The following COL19A1 variants were observed in gnomAD, a reference collection of about 807,000 sequenced individuals.
COL19A1 encodes collagen type XIX alpha 1 chain.
A neutral mutation model predicts 190.2 loss-of-function variants in COL19A1; 159 were observed. The observed-to-expected ratio is 0.84, with a 90% CI of 0.73 to 0.95. The LOEUF is 0.95. Among genes scored for constraint, COL19A1 ranks in the 40% least tolerant of loss-of-function variants. The probability of loss-of-function intolerance (pLI) is 0.00; values close to 1 mark genes in which losing one functional copy is unlikely to be tolerated. For synonymous variants in COL19A1, 509 were observed against 458.9 expected, an observed-to-expected ratio of 1.11 and a Z score of -1.39; for missense variants, 1,418 against 1,431.9, an observed-to-expected ratio of 0.99 and a Z score of 0.16.
intron 4 of COL19A1, among the ~76,000 whole-genome samples, chr6:69,921,772 ATG>A (rs546476867): frequency 2.7e-4 from 39 of 146,580 alleles, no homozygotes; most frequent in Middle Eastern, 3.8e-3. Context: ...AGATTCGTAT[ATG>A]TATATTCGTA....
intron 41 of COL19A1, 79 bp downstream of exon 41, chr6:70,172,096 G>A (rs1765535214): frequency 1.5e-6 from 2 of 1,343,864 alleles, no homozygotes; most frequent in Non-Finnish European, 2.1e-6. Context: ...GCCAAAAACT[G>A]TTTTAGGTTA....
At chr6:70,031,417 A>T (rs767504534) in intron 12 of COL19A1, among the ~76,000 whole-genome samples, 1 of 151,954 alleles carries the variant, frequency 6.6e-6, no homozygotes, top group Non-Finnish European at 1.5e-5. Flanking sequence ...ACCTTACTGT[A>T]TGCTTGTATC....
At position 70,135,502 on chromosome 6, in the gene COL19A1, C is replaced by T. The variant is rs568073179; in HGVS notation, c.1384-2183C>T. Among the ~76,000 whole-genome samples the T allele has an allele frequency of 9.2e-5, 14 of 152,210 alleles. No individual in the cohort carries two copies. In the South Asian group the frequency reaches 2.1e-3, roughly 23 times the overall value. ...TGCTTTGGGGATTCCAAGGATTCTACGAGTTGTATGCCAGGAAACTGGGAG... is the reference window on the plus strand; with the variant it reads ...TGCTTTGGGGATTCCAAGGATTCTATGAGTTGTATGCCAGGAAACTGGGAG... On this transcript the variant is annotated intron_variant, in intron 18 of 50. Transcript: ENST00000620364.
At chr6:69,977,955 T>A (rs553194041) in intron 11 of COL19A1, among the ~76,000 whole-genome samples, 1 of 152,320 alleles carries the variant, frequency 6.6e-6, no homozygotes, top group African/African-American at 2.4e-5. Context: ...AAAAAAAATT[T>A]TACTGATCTA....
chr6:69,992,984 A>G (rs1280165253), intron 11 of COL19A1, among the ~76,000 whole-genome samples: 1 of 152,046 alleles, frequency 6.6e-6, no homozygotes, highest in Non-Finnish European at 1.5e-5. Flanking sequence ...AGGACTTCCA[A>G]TACTGCGTTG....
At chr6:70,150,795 T>A (rs914505195) in intron 30 of COL19A1, among the ~76,000 whole-genome samples, 2 of 152,154 alleles carry the variant, frequency 1.3e-5, no homozygotes, top group African/African-American at 4.8e-5. Flanking sequence ...GTTGAGTGAA[T>A]CACTTGTGCA....
chr6:70,146,796 G>A lies in COL19A1; in HGVS notation c.1816-16G>A. 1 of 1,591,446 alleles carries A rather than the reference G, an allele frequency of 6.3e-7. No individual in the cohort carries two copies. Among genetic ancestry groups the A allele is most frequent in the Non-Finnish European group, 8.5e-7 (1 of 1,171,474 alleles). On this transcript the variant is annotated splice_polypyrimidine_tract_variant and intron_variant, in intron 26 of 50. Coordinates refer to ENST00000620364, the MANE Select transcript of COL19A1 (RefSeq NM_001858.6). The stretch of plus-strand genomic sequence containing the variant: ...TCTCTTGAGCCTTGCAGTAACAGAA[G>A]CCTTTCATTTCACAGGGTGAAAGAG...
chr6:70,085,098 A>G (rs575390168), intron 15 of COL19A1, among the ~76,000 whole-genome samples: 11 of 152,348 alleles, frequency 7.2e-5, no homozygotes, highest in African/African-American at 2.4e-4. Flanking sequence ...GCTAATTATT[A>G]TATCATAGTT....
rs115807731 is a variant in COL19A1, at chr6:70,049,876, C to T, written c.1170+13937C>T. ...AATCTACATTAAAATCAGTTTAATT[C>T]AATTCTATTCTAAGCATTTAAAAAT... On this transcript the variant is annotated intron_variant, in intron 14 of 50. Transcript: ENST00000620364. Among the ~76,000 whole-genome samples the T allele has an allele frequency of 9.0e-3, 1,372 of 152,118 alleles. 14 individuals carry two copies. Among genetic ancestry groups the T allele is most frequent in the African/African-American group, 0.032 (1,309 of 41,540 alleles).
chr6:70,037,391 G>C (rs1263114884), intron 14 of COL19A1, among the ~76,000 whole-genome samples: 1 of 152,022 alleles, frequency 6.6e-6, no homozygotes, highest in African/African-American at 2.4e-5. Context: ...CCTGACCTCA[G>C]GTGATCCGCC....
rs1562257019 is a variant in COL19A1, at chr6:70,188,646, A to G, written c.3027+401A>G. The stretch of plus-strand genomic sequence containing the variant: ...CAGAAACCACATATGCCTGTTTCAT[A>G]TTGCTATGAAACATGTCCATTTCAT... On this transcript the variant is annotated intron_variant, in intron 47 of 50. Coordinates refer to ENST00000620364, the MANE Select transcript of COL19A1 (RefSeq NM_001858.6). 2.0e-5 allele frequency among the ~76,000 whole-genome samples: 3 copies of G among 152,186 alleles called. No homozygotes were observed. In the South Asian group the frequency reaches 6.2e-4, roughly 32 times the overall value.
At chr6:69,888,643 A>T (rs1769111509) in intron 2 of COL19A1, among the ~76,000 whole-genome samples, 2 of 152,156 alleles carry the variant, frequency 1.3e-5, no homozygotes, top group Non-Finnish European at 2.9e-5. Context: ...TTACAAAAAA[A>T]TTAGCCGGGC....
intron 4 of COL19A1, among the ~76,000 whole-genome samples, chr6:69,917,399 A>G (rs1292844779): frequency 1.3e-5 from 2 of 152,208 alleles, no homozygotes; most frequent in African/African-American, 4.8e-5. Context: ...AGCACTTACT[A>G]GGACTGGTTA....
chr6:69,921,388 T>TATATCATATATATC (rs1771814837), intron 4 of COL19A1, among the ~76,000 whole-genome samples: 1 of 112,690 alleles, frequency 8.9e-6, no homozygotes, highest in South Asian at 2.7e-4. Flanking sequence ...ATATATATCA[T>TATATCATATATATC]ATATATCATA....
At chr6:70,149,806 A>G in intron 28 of COL19A1, 45 bp from the exon 29 acceptor site, 1 of 1,613,582 alleles carries the variant, frequency 6.2e-7, no homozygotes, top group Non-Finnish European at 8.5e-7. Flanking sequence ...AATGACTGAA[A>G]GACCATCCTC....
At chr6:69,897,487 A>ACACACACACACCCC (rs57788189) in intron 2 of COL19A1, among the ~76,000 whole-genome samples, 1 of 142,528 alleles carries the variant, frequency 7.0e-6, no homozygotes, top group African/African-American at 2.9e-5. Flanking sequence ...ACACACACAC[A>ACACACACACACCCC]CCCCATACTG....
At chr6:70,107,307 G>C (rs1250329529) in intron 16 of COL19A1, among the ~76,000 whole-genome samples, 1 of 152,174 alleles carries the variant, frequency 6.6e-6, no homozygotes, top group Non-Finnish European at 1.5e-5. Flanking sequence ...CAGACAGCGA[G>C]ATGGTATAGG....
At chr6:69,907,719 G>C (rs1770654993) in intron 4 of COL19A1, among the ~76,000 whole-genome samples, 1 of 152,168 alleles carries the variant, frequency 6.6e-6, no homozygotes, top group African/African-American at 2.4e-5. Context: ...AATTTTCACA[G>C]AAGTTCCTAA....
intron 4 of COL19A1, among the ~76,000 whole-genome samples, chr6:69,922,023 A>G (rs1176975569): frequency 1.3e-5 from 2 of 152,100 alleles, no homozygotes; most frequent in African/African-American, 2.4e-5. Flanking sequence ...TGGTAACCCA[A>G]TATGGCCTCT....
Sources: gnomAD v4.1 joint callset for allele counts (sites outside exome capture counted in the v4.1 genomes callset) on GRCh38, gnomAD v4.1.1 for gene constraint, MANE v1.5 for transcripts, NCBI Gene and HGNC (gene_info 2026-07-23, HGNC 2026-07-21) for gene names.